PCDHGA4: variants seen among roughly 807,000 people sequenced by gnomAD.
PCDHGA4 encodes the protein protocadherin gamma-A4.
In PCDHGA4, 38 loss-of-function variants were observed where a neutral mutation model predicts 54.6. The observed-to-expected ratio is 0.70, with a 90% CI of 0.54 to 0.91. The LOEUF is 0.91. PCDHGA4 is among the 40% of genes least tolerant of loss of function. The pLI, the probability that PCDHGA4 is intolerant of heterozygous loss-of-function variation, is 0.00. For missense variants in PCDHGA4, 1,298 were observed against 1,220.9 expected, an observed-to-expected ratio of 1.06 and a Z score of -0.94; for synonymous variants, 511 against 512.9, an observed-to-expected ratio of 1.00 and a Z score of 0.05.
intron 1 of PCDHGA4, chr5:141,387,914 G>A (rs1379719736): frequency 1.5e-5 from 22 of 1,487,626 alleles, no homozygotes; most frequent in Non-Finnish European, 1.8e-5. Context: ...AGCTGGGCCG[G>A]GCTGAGAGGC....
Position 141,407,988 on chromosome 5 carries a change from C to T in PCDHGA4, c.2514+50367C>T, listed in dbSNP as rs923527525. 1.3e-4 allele frequency: 104 copies of T among 827,076 alleles called. 1 individual carries two copies. The highest frequency in any genetic ancestry group is 3.7e-4 in the Middle Eastern group (1 of 2,684). 51.2% of individuals were successfully genotyped at this position (827,076 alleles called of 1,614,324 possible). ...GCGCTGACGCCGGGGATCCGTCAGC[C>T]TCTGGCCTGGGATTCCCTGCGCAGC... On this transcript the variant is annotated intron_variant, in intron 1 of 3. Transcript: ENST00000571252.
chr5:141,423,569 TC>T (rs2096755253), intron 1 of PCDHGA4: 1 of 1,613,362 alleles, frequency 6.2e-7, no homozygotes, highest in Non-Finnish European at 8.5e-7. Context: ...GACACGCTCA[TC>T]AGCCAGGAGA....
At chr5:141,369,056 A>G (rs1051777432) in intron 1 of PCDHGA4, among the ~76,000 whole-genome samples, 7 of 152,212 alleles carry the variant, frequency 4.6e-5, no homozygotes, top group Non-Finnish European at 5.9e-5. Flanking sequence ...TACATTATGT[A>G]GGCTAAAGAT....
intron 1 of PCDHGA4, among the ~76,000 whole-genome samples, chr5:141,381,953 C>T (rs1588910432): frequency 1.3e-5 from 2 of 151,114 alleles, no homozygotes; most frequent in South Asian, 2.1e-4. Context: ...CCTCAGCCTC[C>T]TGAGTAGCTG....
Position 141,486,429 on chromosome 5 carries a change from C to G in PCDHGA4, c.2515-8378C>G, listed in dbSNP as rs2099629385. On this transcript the variant is annotated intron_variant, in intron 1 of 3. Transcript: ENST00000571252. The surrounding 1 kb of genome is among the most constrained non-coding windows in gnomAD (Gnocchi z 5.0). ...GGACCCTTGGATCGAGAGGCCAAAT[C>G]TAGCTATGACATCATGGTCACTGCT... 1.1e-5 allele frequency: 17 copies of G among 1,614,192 alleles called. No homozygotes were observed. Among genetic ancestry groups the G allele is most frequent in the Non-Finnish European group, 1.4e-5 (17 of 1,180,008 alleles).
rs538105673 is a variant in PCDHGA4, at chr5:141,427,796, C to T, written c.2515-67011C>T. On this transcript the variant is annotated intron_variant, in intron 1 of 3. Transcript: ENST00000571252. Reference sequence around the variant, plus strand: ...TGCGGGCACTGTCGTCCTACGTGTCCGTGAGCGCACAGAGCGGGGTGGTGG... The same window carrying T: ...TGCGGGCACTGTCGTCCTACGTGTCTGTGAGCGCACAGAGCGGGGTGGTGG... The T allele has an allele frequency of 3.6e-4, 547 of 1,502,104 alleles. 5 individuals carry two copies. In the South Asian group the frequency reaches 5.9e-3, roughly 16 times the overall value. The allele number at this position is 1,502,104 out of a possible 1,614,324, so 93.0% of individuals were successfully genotyped here.
In PCDHGA4 at chr5:141,418,134, G is replaced by A. The variant is rs367774534; in HGVS notation, c.2514+60513G>A. ...TTACTTGTGAAGGACCGAATAGACC[G>A]TGAGCAAATATGCAAAGAGAGAAGA... On this transcript the variant is annotated intron_variant, in intron 1 of 3. Transcript: ENST00000571252. The A allele has an allele frequency of 3.1e-6, 5 of 1,613,970 alleles. No individual in the cohort carries two copies. In the African/African-American group the frequency reaches 4.0e-5, roughly 13 times the overall value.
chr5:141,364,415 G>A (rs368621667), intron 1 of PCDHGA4: 1 of 1,613,082 alleles, frequency 6.2e-7, no homozygotes, highest in East Asian at 2.2e-5. Context: ...GCCAGGATCC[G>A]GGCAGATCCG....
intron 1 of PCDHGA4, chr5:141,383,187 C>CGGGAAGA: frequency 6.2e-7 from 1 of 1,614,076 alleles, no homozygotes; most frequent in Non-Finnish European, 8.5e-7. Context: ...AAGAGATCTG[C>CGGGAAGA]GCTCAGAGTG....
Position 141,491,732 on chromosome 5 carries a change from C to G in PCDHGA4, c.2515-3075C>G. ...GGCTCGGCGCCGCCCCGGGCGACCC[C>G]TGGGGGCGGCACTGGAGAAGCCGCC... On this transcript the variant is annotated intron_variant, in intron 1 of 3. Coordinates refer to ENST00000571252, the MANE Select transcript of PCDHGA4 (RefSeq NM_018917.4). This position sits in a 1 kb window ranked among gnomAD's most constrained non-coding sequence, Gnocchi z 6.9. The G allele has an allele frequency of 1.2e-6, 2 of 1,602,752 alleles. No individual in the cohort carries two copies. Among genetic ancestry groups the G allele is most frequent in the Non-Finnish European group, 1.7e-6 (2 of 1,175,308 alleles).
chr5:141,362,154 A>G, intron 1 of PCDHGA4: 1 of 1,614,030 alleles, frequency 6.2e-7, no homozygotes, highest in Non-Finnish European at 8.5e-7. Flanking sequence ...AGGTATTGCC[A>G]GACCTCAGCG....
Position 141,487,367 on chromosome 5 carries a change from G to A in PCDHGA4, c.2515-7440G>A. 1 of 1,614,204 alleles carries A rather than the reference G, an allele frequency of 6.2e-7. No individual in the cohort carries two copies. The highest frequency in any genetic ancestry group is 8.5e-7 in the Non-Finnish European group (1 of 1,180,030). ...CACATGCTTTCCTGCTGGCACCTGT[G>A]CCTGTCTCACCAGATCTCGAAGGAG... On this transcript the variant is annotated intron_variant, in intron 1 of 3. Coordinates refer to ENST00000571252, the MANE Select transcript of PCDHGA4 (RefSeq NM_018917.4). This position sits in a 1 kb window ranked among gnomAD's most constrained non-coding sequence, Gnocchi z 5.0.
Position 141,454,887 on chromosome 5 carries a change from T to C in PCDHGA4, c.2515-39920T>C, listed in dbSNP as rs1291501766. Among the ~76,000 whole-genome samples, 3 of 138,310 alleles carry C rather than the reference T, an allele frequency of 2.2e-5. No homozygotes were observed. The Admixed American group carries it at 2.3e-4, about 11-fold the overall frequency. 90.7% of individuals were successfully genotyped at this position (138,310 alleles called of 152,430 possible). A position where few individuals can be genotyped will look rare whatever the true frequency, so the allele number is the denominator to read the frequency against. ...CAGTGGCACGATCTTGGCTCACTGC[T>C]AGCACCGCCTCCCGGGTTCACGCCA... On this transcript the variant is annotated intron_variant, in intron 1 of 3. Coordinates refer to ENST00000571252, the MANE Select transcript of PCDHGA4 (RefSeq NM_018917.4).
At chr5:141,395,197 T>A in intron 1 of PCDHGA4, 1 of 1,614,012 alleles carries the variant, frequency 6.2e-7, no homozygotes, top group Non-Finnish European at 8.5e-7. Context: ...TTAACATCCG[T>A]AGATTTTCAT....
rs751692866 is a variant in PCDHGA4 at position 141,356,729 on chromosome 5, A to G, written c.1622A>G (p.Asn541Ser). The stretch of plus-strand genomic sequence containing the variant: ...TCCTCCTATGTCTCCATCAACTCCA[A>G]TACAGGGATCCTATATGCTCTTTGC... ...PLSSYVSINS[N>S]TGILYALCSF... The change falls in exon 1 of 4, where the codon AAT becomes AGT. Residue 541 changes from asparagine (N) to serine (S), a missense_variant. Transcript: ENST00000571252. 14 of 1,613,954 alleles carry G rather than the reference A, an allele frequency of 8.7e-6. No individual in the cohort carries two copies. Among genetic ancestry groups the G allele is most frequent in the Non-Finnish European group, 1.0e-5 (12 of 1,179,864 alleles).
Position 141,485,626 on chromosome 5 carries a change from T to A in PCDHGA4, c.2515-9181T>A, listed in dbSNP as rs2099616815. 6.2e-7 allele frequency: 1 copy of A among 1,611,740 alleles called. No individual in the cohort carries two copies. On this transcript the variant is annotated intron_variant, in intron 1 of 3. Coordinates refer to ENST00000571252, the MANE Select transcript of PCDHGA4 (RefSeq NM_018917.4). This position sits in a 1 kb window ranked among gnomAD's most constrained non-coding sequence, Gnocchi z 5.7. Reference sequence around the variant, plus strand: ...GGGAGGCAGCTCCTCCAGGACAGCGTTTCCCGTTGGAAAAGGCTCAGGATG... The same window carrying A: ...GGGAGGCAGCTCCTCCAGGACAGCGATTCCCGTTGGAAAAGGCTCAGGATG...
In PCDHGA4 at chr5:141,485,556, A is replaced by T; in HGVS notation, c.2515-9251A>T. On this transcript the variant is annotated intron_variant, in intron 1 of 3. Coordinates refer to ENST00000571252, the MANE Select transcript of PCDHGA4 (RefSeq NM_018917.4). This position sits in a 1 kb window ranked among gnomAD's most constrained non-coding sequence, Gnocchi z 5.7. ...GAGGTAGAGATCGTAGATGTGAATG[A>T]TCACGCCCCCCGTTTTCCGCGGCAG... is the stretch of plus-strand genomic sequence containing the variant. The T allele has an allele frequency of 6.2e-7, 1 of 1,613,664 alleles. No homozygotes were observed. Among genetic ancestry groups the T allele is most frequent in the Non-Finnish European group, 8.5e-7 (1 of 1,179,644 alleles).
chr5:141,464,419 A>C (rs2099083824), intron 1 of PCDHGA4, among the ~76,000 whole-genome samples: 1 of 151,658 alleles, frequency 6.6e-6, no homozygotes, highest in Non-Finnish European at 1.5e-5. Flanking sequence ...ATATATCTAT[A>C]TATATAGATA....
chr5:141,367,935 G>A (rs951282993), intron 1 of PCDHGA4, among the ~76,000 whole-genome samples: 2 of 152,044 alleles, frequency 1.3e-5, no homozygotes, highest in African/African-American at 4.8e-5. Flanking sequence ...CTTAAAGATG[G>A]TTCAAAATTT....
Sources: allele counts gnomAD v4.1 joint callset (sites outside exome capture counted in the v4.1 genomes callset), GRCh38; gene constraint gnomAD v4.1.1; non-coding constraint Gnocchi (gnomAD v3.1); transcripts MANE v1.5; gene names NCBI Gene and HGNC (gene_info 2026-07-23, HGNC 2026-07-21).